Variants in XCR1 observed in about 807,000 individuals in gnomAD.
XCR1 encodes chemokine XC receptor 1.
For missense variants in XCR1, 356 were observed against 424.2 expected, an observed-to-expected ratio of 0.84 and a Z score of 1.41; for synonymous variants, 187 against 188.5, an observed-to-expected ratio of 0.99 and a Z score of 0.06.
chr3:46,054,550 G>T (rs1198314231), intron 4 of XCR1, among the ~76,000 whole-genome samples: 3 of 151,820 alleles, frequency 2.0e-5, no homozygotes, highest in Non-Finnish European at 2.9e-5. Flanking sequence ...AAAGGACGAG[G>T]GGGGGGCGAG....
chr3:46,075,308 C>CAAAAAAAAAAAAAAAAAAAAAAAAAAAA (rs56787185), intron 2 of XCR1, among the ~76,000 whole-genome samples: 2 of 61,674 alleles, frequency 3.2e-5, no homozygotes, highest in African/African-American at 6.9e-5. Context: ...GCTCATAGAC[C>CAAAAAAAAAAAAAAAAAAAAAAAAAAAA]AAAAAAAAAA....
intron 3 of XCR1, among the ~76,000 whole-genome samples, chr3:46,072,936 T>C (rs1454164697): frequency 6.6e-6 from 1 of 152,034 alleles, no homozygotes; most frequent in Non-Finnish European, 1.5e-5. Flanking sequence ...TAGATCAGTA[T>C]GACAGAATAG....
At chr3:46,048,010 A>G (rs1697668229) in intron 5 of XCR1, among the ~76,000 whole-genome samples, 1 of 152,252 alleles carries the variant, frequency 6.6e-6, no homozygotes, top group Non-Finnish European at 1.5e-5. Flanking sequence ...TTACGTTAAT[A>G]GAACCAAGAC....
intron 2 of XCR1, among the ~76,000 whole-genome samples, chr3:46,076,237 G>T (rs1340692215): frequency 6.6e-6 from 1 of 152,150 alleles, no homozygotes; most frequent in Admixed American, 6.6e-5. Flanking sequence ...AAATTTGAAA[G>T]ATACCCTTGT....
Position 46,020,950 on chromosome 3 carries a change from T to C in XCR1, c.998A>G (p.Tyr333Cys). The C allele has an allele frequency of 6.2e-7, 1 of 1,611,570 alleles. No homozygotes were observed. Residue 333 changes from tyrosine (Y) to cysteine (C), a missense_variant, in exon 2 of 2, where the codon TAC becomes TGC. Coordinates refer to ENST00000309285, the MANE Select transcript of XCR1 (RefSeq NM_001024644.2). ...GCCTGCACCGCCACAGGCCCCTCAGTAGAAGGAGGCGCCCTCATAGGCGAA... is the reference window on the plus strand; with the variant it reads ...GCCTGCACCGCCACAGGCCCCTCAGCAGAAGGAGGCGCCCTCATAGGCGAA... ...GAFAYEGASF[Y>C] is the part of the protein sequence containing the mutation.
Position 46,019,685 on chromosome 3 carries a change from TAAG to T in XCR1, c.*1258_*1260del, listed in dbSNP as rs1204791649. 1 of 152,434 alleles carries T rather than the reference TAAG, an allele frequency of 6.6e-6. No individual in the cohort carries two copies. Among genetic ancestry groups the T allele is most frequent in the Non-Finnish European group, 1.5e-5 (1 of 68,318 alleles). 9.4% of individuals were successfully genotyped at this position (152,434 alleles called of 1,614,324 possible). A position where few individuals can be genotyped will look rare whatever the true frequency, so the allele number is the denominator to read the frequency against. ...TGTGGGGAGGAGGCTTAGAGTGGAATAAGAATGGAAAAGTTGGCTGGCATCGGA... is the reference window on the plus strand; with the variant it reads ...TGTGGGGAGGAGGCTTAGAGTGGAATAATGGAAAAGTTGGCTGGCATCGGA... On this transcript the variant is annotated 3_prime_UTR_variant, in exon 2 of 2. Coordinates refer to ENST00000309285, the MANE Select transcript of XCR1 (RefSeq NM_001024644.2).
At chr3:46,026,988 C>T (rs1559481256) in intron 1 of XCR1, among the ~76,000 whole-genome samples, 1 of 152,032 alleles carries the variant, frequency 6.6e-6, no homozygotes, top group East Asian at 1.9e-4. Flanking sequence ...TCAAGTGATC[C>T]CCTCACCTTA....
chr3:46,069,337 A>G (rs1698127841), intron 3 of XCR1, among the ~76,000 whole-genome samples: 1 of 152,198 alleles, frequency 6.6e-6, no homozygotes, highest in Non-Finnish European at 1.5e-5. Flanking sequence ...AAAGTGATAA[A>G]CCTTTAGAAA....
chr3:46,048,521 G>A (rs34386754), intron 5 of XCR1, among the ~76,000 whole-genome samples: 33,907 of 151,788 alleles, frequency 0.22, 5,219 homozygotes, highest in African/African-American at 0.42. Context: ...CTCATGGCTC[G>A]TACCGGAGGG....
chr3:46,038,054 G>A (rs1697469660), intron 5 of XCR1, among the ~76,000 whole-genome samples: 1 of 142,526 alleles, frequency 7.0e-6, no homozygotes, highest in African/African-American at 2.7e-5. Flanking sequence ...TTGAGAGGGA[G>A]TCTTGCTCTG....
chr3:46,017,536 T>G lies in XCR1; in HGVS notation c.*3410A>C, dbSNP rs1458096077. 6.6e-6 allele frequency: 1 copy of G among 152,120 alleles called. No homozygotes were observed. The highest frequency in any genetic ancestry group is 1.5e-5 in the Non-Finnish European group (1 of 68,048). The allele number at this position is 152,120 out of a possible 1,614,324, so 9.4% of individuals were successfully genotyped here. On this transcript the variant is annotated 3_prime_UTR_variant, in exon 2 of 2. Transcript: ENST00000309285. ...AGGTAGAAAAAAGGCCAAAAGATGG[T>G]CTCCTGTTAACTCACTCAACCAACC... is the stretch of plus-strand genomic sequence containing the variant.
intron 1 of XCR1, among the ~76,000 whole-genome samples, chr3:46,026,141 A>T (rs1361092142): frequency 1.3e-5 from 2 of 152,218 alleles, no homozygotes; most frequent in Non-Finnish European, 2.9e-5. Flanking sequence ...ATAAACTCTC[A>T]GCAAATTAGA....
intron 5 of XCR1, among the ~76,000 whole-genome samples, chr3:46,051,614 C>A (rs951873762): frequency 1.3e-5 from 2 of 152,232 alleles, no homozygotes; most frequent in African/African-American, 4.8e-5. Context: ...GTTGTGCTCC[C>A]AAACCCTTTA....
At chr3:46,023,143 A>G (rs1456525402) in intron 1 of XCR1, among the ~76,000 whole-genome samples, 1 of 152,162 alleles carries the variant, frequency 6.6e-6, no homozygotes, top group Non-Finnish European at 1.5e-5. Context: ...GCGGCGGCGC[A>G]GGGGGCGGGC....
At chr3:46,028,554 C>G (rs552016112), upstream of XCR1, among the ~76,000 whole-genome samples, 2 of 149,668 alleles carry the variant, frequency 1.3e-5, no homozygotes, top group South Asian at 4.2e-4. Context: ...TTCATAATAC[C>G]CTTCGACACA....
intron 5 of XCR1, among the ~76,000 whole-genome samples, chr3:46,036,934 A>T (rs957295973): frequency 6.6e-6 from 1 of 152,208 alleles, no homozygotes; most frequent in African/African-American, 2.4e-5. Flanking sequence ...AATAAATAAA[A>T]AATGTGAGTA....
At chr3:46,071,788 T>C (rs1399371366) in intron 3 of XCR1, among the ~76,000 whole-genome samples, 1 of 151,790 alleles carries the variant, frequency 6.6e-6, no homozygotes, top group Non-Finnish European at 1.5e-5. Context: ...CTCAACAAAC[T>C]AGGCACAGAA....
At chr3:46,083,524 C>T (rs1698415381) in intron 1 of XCR1, among the ~76,000 whole-genome samples, 1 of 152,182 alleles carries the variant, frequency 6.6e-6, no homozygotes, top group African/African-American at 2.4e-5. Context: ...ATCTGGCTGG[C>T]CATCAAGAAG....
upstream of XCR1, among the ~76,000 whole-genome samples, chr3:46,029,116 C>A (rs563154871): frequency 6.6e-6 from 1 of 152,154 alleles, no homozygotes; most frequent in African/African-American, 2.4e-5. Flanking sequence ...ACAAATCCTC[C>A]AACTTTGTTC....
Sources: allele counts gnomAD v4.1 joint callset (sites outside exome capture counted in the v4.1 genomes callset), GRCh38; gene constraint gnomAD v4.1.1; transcripts MANE v1.5; gene names NCBI Gene and HGNC (gene_info 2026-07-23, HGNC 2026-07-21).